Variants in PLXDC2 observed in about 807,000 individuals in gnomAD.
PLXDC2 encodes the protein plexin domain-containing protein 2.
In PLXDC2, 40 loss-of-function variants were observed where a neutral mutation model predicts 68.9. That is an observed-to-expected ratio of 0.58 (90% CI 0.45 to 0.76). The LOEUF is 0.76. Among genes scored for constraint, PLXDC2 ranks in the 30% least tolerant of loss-of-function variants. The pLI is 0.00. For synonymous variants in PLXDC2, 243 were observed against 234.2 expected (o/e 1.04, Z -0.34); for missense variants, 644 against 661.9 (o/e 0.97, Z 0.30).
chr10:20,264,968 T>A (rs1835851998), intron 13 of PLXDC2, among the ~76,000 whole-genome samples: 1 of 152,034 alleles, frequency 6.6e-6, no homozygotes, highest in Admixed American at 6.6e-5. Flanking sequence ...GTAAGGTCGC[T>A]GGATGATATT....
intron 1 of PLXDC2, among the ~76,000 whole-genome samples, chr10:19,833,639 A>G (rs185437084): frequency 6.6e-6 from 1 of 152,236 alleles, no homozygotes; most frequent in African/African-American, 2.4e-5. Context: ...TTGAAGCAAG[A>G]AAATACTTTG....
At chr10:20,121,781 T>A (rs1000444879) in intron 4 of PLXDC2, among the ~76,000 whole-genome samples, 9 of 152,170 alleles carry the variant, frequency 5.9e-5, no homozygotes, top group Admixed American at 3.3e-4. Context: ...TTGAAAGGCT[T>A]GTCTGGTTTT....
At chr10:19,900,972 A>G (rs946444530) in intron 1 of PLXDC2, among the ~76,000 whole-genome samples, 1 of 139,536 alleles carries the variant, frequency 7.2e-6, no homozygotes, top group African/African-American at 2.8e-5. Context: ...CCCATGGTAT[A>G]TATGTGTGAT....
Position 19,904,751 on chromosome 10 carries a change from G to C in PLXDC2, c.112+87560G>C, listed in dbSNP as rs376722818. Among the ~76,000 whole-genome samples the C allele has an allele frequency of 2.0e-5, 3 of 152,336 alleles. 1 individual carries two copies. The East Asian group carries it at 5.8e-4, about 29-fold the overall frequency. ...TGCTCTGTCTGTCCAAGCAGGAGCTGCAAGTGGTCCTGCCTTCTATCCTCC... is the reference window on the plus strand; with the variant it reads ...TGCTCTGTCTGTCCAAGCAGGAGCTCCAAGTGGTCCTGCCTTCTATCCTCC... On this transcript the variant is annotated intron_variant, in intron 1 of 13. Transcript: ENST00000377252.
At chr10:20,012,073 T>G (rs1835123421) in intron 2 of PLXDC2, among the ~76,000 whole-genome samples, 1 of 152,154 alleles carries the variant, frequency 6.6e-6, no homozygotes, top group Non-Finnish European at 1.5e-5. Flanking sequence ...ATATTGTGAC[T>G]TAGATGGAAA....
chr10:19,858,056 G>C (rs558399760), intron 1 of PLXDC2, among the ~76,000 whole-genome samples: 1 of 152,232 alleles, frequency 6.6e-6, no homozygotes, highest in East Asian at 1.9e-4. Context: ...TTGTTTGGGA[G>C]CAACATGCAG....
At chr10:20,085,183 GA>G (rs930070548) in intron 4 of PLXDC2, among the ~76,000 whole-genome samples, 17 of 140,948 alleles carry the variant, frequency 1.2e-4, no homozygotes, top group Non-Finnish European at 1.8e-4. Flanking sequence ...AAGGTGGGGG[GA>G]GCCTATGTGA....
chr10:20,021,838 A>G (rs1835315060), intron 2 of PLXDC2, among the ~76,000 whole-genome samples: 1 of 152,104 alleles, frequency 6.6e-6, no homozygotes, highest in Non-Finnish European at 1.5e-5. Context: ...AGCTGGGATT[A>G]CAGGCATGCG....
rs1482893632 is a variant in PLXDC2 at position 19,862,888 on chromosome 10, GT to G, written c.112+45698del. Reference sequence around the variant, plus strand: ...ATATAGAAGTGTGGAGGTGAGTTCTGTGGGGCTGCAACTCTATGTAAATCTG... The same window carrying G: ...ATATAGAAGTGTGGAGGTGAGTTCTGGGGGCTGCAACTCTATGTAAATCTG... On this transcript the variant is annotated intron_variant, in intron 1 of 13. Coordinates refer to ENST00000377252, the MANE Select transcript of PLXDC2 (RefSeq NM_032812.9). Among the ~76,000 whole-genome samples, 3 of 152,252 alleles carry G rather than the reference GT, an allele frequency of 2.0e-5. No homozygotes were observed. The East Asian group carries it at 5.8e-4, about 29-fold the overall frequency.
At chr10:20,006,534 A>AT (rs911796463) in intron 2 of PLXDC2, among the ~76,000 whole-genome samples, 5 of 151,812 alleles carry the variant, frequency 3.3e-5, no homozygotes, top group South Asian at 2.1e-4. Context: ...TGTTCTCCTC[A>AT]TTTTTTTTCA....
intron 1 of PLXDC2, among the ~76,000 whole-genome samples, chr10:19,820,208 A>G (rs148982291): frequency 4.3e-4 from 65 of 152,362 alleles, no homozygotes; most frequent in Non-Finnish European, 8.2e-4. Context: ...TGCACATTTC[A>G]GTGTGATCTT....
chr10:20,153,300 G>C lies in PLXDC2; in HGVS notation c.783+5398G>C, dbSNP rs1040754668. 5.3e-5 allele frequency among the ~76,000 whole-genome samples: 8 copies of C among 152,098 alleles called. No homozygotes were observed. In the East Asian group the frequency reaches 5.8e-4, roughly 11 times the overall value. ...CATGTATTGAAAAGAAAGTGTATAGGGTAGTTACTTAAACTCTCTGGGCTA... is the reference window on the plus strand; with the variant it reads ...CATGTATTGAAAAGAAAGTGTATAGCGTAGTTACTTAAACTCTCTGGGCTA... On this transcript the variant is annotated intron_variant, in intron 6 of 13. Transcript: ENST00000377252.
chr10:20,062,501 G>T (rs942996682), intron 3 of PLXDC2, among the ~76,000 whole-genome samples: 1 of 152,058 alleles, frequency 6.6e-6, no homozygotes, highest in African/African-American at 2.4e-5. Context: ...CAGTTACTAA[G>T]TACCAAAGCT....
intron 2 of PLXDC2, among the ~76,000 whole-genome samples, chr10:20,025,164 G>A (rs1305732975): frequency 1.3e-5 from 2 of 152,034 alleles, no homozygotes; most frequent in Non-Finnish European, 2.9e-5. Context: ...TTGAGAAATT[G>A]CCAAATTGTT....
At chr10:20,202,011 A>G (rs886235521) in intron 9 of PLXDC2, among the ~76,000 whole-genome samples, 2 of 152,164 alleles carry the variant, frequency 1.3e-5, no homozygotes, top group African/African-American at 4.8e-5. Flanking sequence ...AAACCAGCCA[A>G]TGCTATTTAA....
chr10:19,879,703 T>C (rs752617085), intron 1 of PLXDC2, among the ~76,000 whole-genome samples: 3 of 152,166 alleles, frequency 2.0e-5, no homozygotes, highest in Non-Finnish European at 4.4e-5. Context: ...AGGTGTGTCC[T>C]ATAGGACAAA....
chr10:19,892,921 CTTTTT>C (rs61406547), intron 1 of PLXDC2, among the ~76,000 whole-genome samples: 1 of 130,522 alleles, frequency 7.7e-6, no homozygotes. Flanking sequence ...TTGAAATGGT[CTTTTT>C]TTTTTTTTTT....
intron 1 of PLXDC2, among the ~76,000 whole-genome samples, chr10:19,932,192 A>G (rs543332247): frequency 3.9e-5 from 6 of 152,344 alleles, no homozygotes; most frequent in Middle Eastern, 3.4e-3. Context: ...ACCAGAAACC[A>G]GCTCAATTGC....
chr10:19,926,525 C>T (rs1414964255), intron 1 of PLXDC2, among the ~76,000 whole-genome samples: 1 of 152,062 alleles, frequency 6.6e-6, no homozygotes, highest in Non-Finnish European at 1.5e-5. Flanking sequence ...ATGTAATAGC[C>T]AGTTATCGGA....
Sources: gnomAD v4.1 joint callset for allele counts (sites outside exome capture counted in the v4.1 genomes callset) on GRCh38, gnomAD v4.1.1 for gene constraint, MANE v1.5 for transcripts, NCBI Gene and HGNC (gene_info 2026-07-23, HGNC 2026-07-21) for gene names.